CTIF: variants seen among roughly 807,000 people sequenced by gnomAD.
CTIF encodes the protein CBP80/20-dependent translation initiation factor.
CTIF carries 21 observed loss-of-function variants against 66.0 expected under a neutral mutation model. The ratio of observed to expected loss-of-function variants is 0.32; its 90% CI spans 0.23 to 0.46. The LOEUF is 0.46. Among genes scored for constraint, CTIF ranks in the 20% least tolerant of loss-of-function variants. CTIF has a pLI of 1.00. For missense variants in CTIF, 739 were observed against 812.7 expected (o/e 0.91, Z 1.10); for synonymous variants, 345 against 326.4 (o/e 1.06, Z -0.62).
intron 1 of CTIF, among the ~76,000 whole-genome samples, chr18:48,582,588 T>C (rs886369422): frequency 2.0e-5 from 3 of 152,104 alleles, no homozygotes; most frequent in Non-Finnish European, 2.9e-5. Flanking sequence ...CTATGTGCTG[T>C]GGTGCCTGGG....
intron 6 of CTIF, among the ~76,000 whole-genome samples, chr18:48,681,469 G>A (rs1360615542): frequency 6.6e-6 from 1 of 152,202 alleles, no homozygotes; most frequent in Admixed American, 6.5e-5. Context: ...GCCTGCCAGG[G>A]CTGGAAAAGA....
chr18:48,539,163 C>G lies in CTIF; in HGVS notation c.-178C>G, dbSNP rs909061431. 1 of 122,670 alleles carries G rather than the reference C, an allele frequency of 8.2e-6. No individual in the cohort carries two copies. Among genetic ancestry groups the G allele is most frequent in the East Asian group, 2.9e-4 (1 of 3,444 alleles). 7.6% of individuals were successfully genotyped at this position (122,670 alleles called of 1,614,324 possible). A position where few individuals can be genotyped will look rare whatever the true frequency, so the allele number is the denominator to read the frequency against. On this transcript the variant is annotated 5_prime_UTR_variant, in exon 1 of 12. Transcript: ENST00000256413. ...CCCTCCCCTCTCTGCTGGGTCTGTGCGCTGGGGCGCCCGATCCCCTCCGCA... is the reference window on the plus strand; with the variant it reads ...CCCTCCCCTCTCTGCTGGGTCTGTGGGCTGGGGCGCCCGATCCCCTCCGCA...
chr18:48,695,472 G>A (rs977083981), intron 6 of CTIF, among the ~76,000 whole-genome samples: 2 of 152,276 alleles, frequency 1.3e-5, no homozygotes, highest in South Asian at 2.1e-4. Context: ...TGAGCATTCC[G>A]CTACGGTTCA....
intron 9 of CTIF, among the ~76,000 whole-genome samples, chr18:48,790,227 G>A (rs1459730662): frequency 1.3e-5 from 2 of 152,250 alleles, no homozygotes; most frequent in African/African-American, 2.4e-5. Flanking sequence ...CAGGCTCTGT[G>A]AGTACAGCCA....
At chr18:48,548,640 C>G (rs1402232230) in intron 1 of CTIF, among the ~76,000 whole-genome samples, 1 of 152,252 alleles carries the variant, frequency 6.6e-6, no homozygotes, top group Non-Finnish European at 1.5e-5. Context: ...ATGAAGGACC[C>G]TGTGCAGACA....
At chr18:48,576,703 T>C (rs2089540683) in intron 1 of CTIF, among the ~76,000 whole-genome samples, 3 of 152,206 alleles carry the variant, frequency 2.0e-5, no homozygotes, top group South Asian at 4.1e-4. Context: ...GATTTGAGTA[T>C]GACACTAAGA....
In CTIF at chr18:48,582,792, G is replaced by A. The variant is rs114520994; in HGVS notation, c.-28-36746G>A. Among the ~76,000 whole-genome samples, 1,456 of 152,162 alleles carry A rather than the reference G, an allele frequency of 9.6e-3. 22 individuals carry two copies. Among genetic ancestry groups the A allele is most frequent in the African/African-American group, 0.032 (1,348 of 41,490 alleles). On this transcript the variant is annotated intron_variant, in intron 1 of 11. Transcript: ENST00000256413. ...TTAGAACAACCCTGTGGGGTTGGCCGGTCATACAGATAAGGAAACTGAGGC... is the reference window on the plus strand; with the variant it reads ...TTAGAACAACCCTGTGGGGTTGGCCAGTCATACAGATAAGGAAACTGAGGC...
chr18:48,857,637 T>C lies in CTIF; in HGVS notation c.1577T>C (p.Met526Thr). 6.2e-7 allele frequency: 1 copy of C among 1,607,368 alleles called. No individual in the cohort carries two copies. The highest frequency in any genetic ancestry group is 8.5e-7 in the Non-Finnish European group (1 of 1,176,784). ...VKEDAVLCCS[M>T]ELQSTGRLLE... ...GAAGATGCTGTCCTTTGCTGCTCTA[T>C]GGAGGTAAGCTTTGGGGCTTCGACA... is the stretch of plus-strand genomic sequence containing the variant. The change falls in exon 11 of 12, where the codon ATG (methionine) becomes ACG (threonine). Residue 526 changes from methionine to threonine, a missense_variant. Met to Thr is a moderately conservative substitution (Grantham distance 81, BLOSUM62 -1). Around this residue, in one of 2 missense-constraint regions of CTIF, gnomAD observed 210 missense variants for 292.3 expected, o/e 0.72. Transcript: ENST00000256413.
At chr18:48,732,893 G>A (rs184722179) in intron 7 of CTIF, among the ~76,000 whole-genome samples, 11 of 152,288 alleles carry the variant, frequency 7.2e-5, no homozygotes, top group East Asian at 5.8e-4. Flanking sequence ...TCATTCATTC[G>A]CGTTTTCAAT....
chr18:48,718,550 A>G (rs1313321747), intron 7 of CTIF, among the ~76,000 whole-genome samples: 1 of 152,166 alleles, frequency 6.6e-6, no homozygotes, highest in Non-Finnish European at 1.5e-5. Flanking sequence ...CAAGGGCAGG[A>G]GAAGATGGAT....
At chr18:48,636,592 A>G (rs746562436) in intron 2 of CTIF, 22 bp from the exon 3 acceptor site, 12 of 1,510,038 alleles carry the variant, frequency 7.9e-6, no homozygotes, top group Non-Finnish European at 1.1e-5. Flanking sequence ...GCCGTCACTG[A>G]TCGCTCCTTT....
chr18:48,748,888 G>T (rs2145802402), intron 7 of CTIF, among the ~76,000 whole-genome samples: 1 of 152,338 alleles, frequency 6.6e-6, no homozygotes, highest in Non-Finnish European at 1.5e-5. Flanking sequence ...CATGTCCCCA[G>T]ACAGACCCCT....
intron 1 of CTIF, among the ~76,000 whole-genome samples, chr18:48,615,254 C>G (rs1350458081): frequency 1.3e-5 from 2 of 152,122 alleles, no homozygotes; most frequent in African/African-American, 4.8e-5. Flanking sequence ...GCCTAAGTGC[C>G]GGGCTGTACT....
intron 6 of CTIF, among the ~76,000 whole-genome samples, chr18:48,692,170 T>G (rs538267626): frequency 6.6e-6 from 1 of 152,182 alleles, no homozygotes; most frequent in African/African-American, 2.4e-5. Context: ...TAAATGAGAC[T>G]TAAGTTTTTA....
At chr18:48,664,000 A>G (rs1178662576) in intron 4 of CTIF, among the ~76,000 whole-genome samples, 175 bp downstream of exon 4, 1 of 152,162 alleles carries the variant, frequency 6.6e-6, no homozygotes, top group Non-Finnish European at 1.5e-5. Flanking sequence ...GTGAGTGTCA[A>G]CGGGAGACAG....
chr18:48,690,506 C>T (rs1034679159), intron 6 of CTIF, among the ~76,000 whole-genome samples: 1 of 152,144 alleles, frequency 6.6e-6, no homozygotes, highest in African/African-American at 2.4e-5. Context: ...CCCACATTTT[C>T]CCTATCTTGC....
intron 1 of CTIF, among the ~76,000 whole-genome samples, chr18:48,586,566 C>G (rs1050901093): frequency 6.6e-6 from 1 of 152,166 alleles, no homozygotes; most frequent in Admixed American, 6.5e-5. Context: ...CCACCACGCC[C>G]GGCCTTAAAT....
intron 3 of CTIF, among the ~76,000 whole-genome samples, chr18:48,650,838 G>T (rs1209962723): frequency 5.3e-5 from 2 of 37,646 alleles, no homozygotes; most frequent in African/African-American, 1.1e-4. Flanking sequence ...TTAAAGAAAA[G>T]AATTTTCAAA....
At chr18:48,580,537 A>G (rs1329187971) in intron 1 of CTIF, among the ~76,000 whole-genome samples, 2 of 152,102 alleles carry the variant, frequency 1.3e-5, no homozygotes, top group Admixed American at 1.3e-4. Flanking sequence ...GTTGCTTTCT[A>G]CACATCCTGA....
Sources: gnomAD v4.1 joint callset for allele counts (sites outside exome capture counted in the v4.1 genomes callset) on GRCh38, gnomAD v4.1.1 for gene constraint, gnomAD v4.1.1 regional missense constraint, MANE v1.5 for transcripts, NCBI Gene and HGNC (gene_info 2026-07-23, HGNC 2026-07-21) for gene names.